Variants in TOX observed in about 807,000 individuals in gnomAD.
TOX encodes thymocyte selection associated high mobility group box, also known as thymocyte selection-associated high mobility group box protein TOX.
A neutral mutation model predicts 53.7 loss-of-function variants in TOX; 11 were observed. The ratio of observed to expected loss-of-function variants is 0.20; its 90% CI spans 0.13 to 0.34. The LOEUF is 0.34. TOX is among the 10% of genes least tolerant of loss of function. TOX has a pLI of 1.00. For synonymous variants in TOX, 225 were observed against 245.3 expected (o/e 0.92, Z 0.77); for missense variants, 570 against 664.6 (o/e 0.86, Z 1.56).
intron 1 of TOX, among the ~76,000 whole-genome samples, chr8:59,013,740 C>T (rs1585964309): frequency 6.6e-6 from 1 of 152,332 alleles, no homozygotes; most frequent in South Asian, 2.1e-4. Flanking sequence ...CATCATTAAT[C>T]ATAGGCTAAG....
intron 2 of TOX, among the ~76,000 whole-genome samples, chr8:58,946,506 C>A (rs777087655): frequency 6.6e-6 from 1 of 152,122 alleles, no homozygotes; most frequent in Non-Finnish European, 1.5e-5. Context: ...ATCATCTTAA[C>A]GCTCAGCAAG....
intron 1 of TOX, among the ~76,000 whole-genome samples, chr8:59,048,818 T>C (rs1585986745): frequency 6.6e-6 from 1 of 152,182 alleles, no homozygotes; most frequent in Non-Finnish European, 1.5e-5. Flanking sequence ...CCAGAAATAT[T>C]ATATTTTAAG....
chr8:58,951,397 C>G (rs189138566), intron 2 of TOX, among the ~76,000 whole-genome samples: 4 of 152,154 alleles, frequency 2.6e-5, no homozygotes, highest in Non-Finnish European at 5.9e-5. Context: ...ACCTAAACTT[C>G]CAGGCAAGAA....
At chr8:59,076,664 A>AT (rs1284460815) in intron 1 of TOX, among the ~76,000 whole-genome samples, 2 of 152,198 alleles carry the variant, frequency 1.3e-5, no homozygotes, top group South Asian at 2.1e-4. Flanking sequence ...TTTTATGCTA[A>AT]TTTTTTTGCA....
intron 2 of TOX, among the ~76,000 whole-genome samples, chr8:58,955,295 G>T (rs1403364790): frequency 6.6e-6 from 1 of 151,980 alleles, no homozygotes; most frequent in African/African-American, 2.4e-5. Context: ...AATATTTAGG[G>T]TTTACTATAA....
chr8:59,082,508 C>T (rs1236033842), intron 1 of TOX, among the ~76,000 whole-genome samples: 3 of 152,202 alleles, frequency 2.0e-5, no homozygotes, highest in Admixed American at 6.5e-5. Context: ...TTAATCAATG[C>T]CCATATGTCC....
At chr8:58,922,705 G>A (rs1812093499) in intron 3 of TOX, among the ~76,000 whole-genome samples, 1 of 152,188 alleles carries the variant, frequency 6.6e-6, no homozygotes, top group South Asian at 2.1e-4. Context: ...GTGGGAGGTG[G>A]CCAATCAACT....
intron 1 of TOX, among the ~76,000 whole-genome samples, chr8:59,048,006 T>A (rs1803720552): frequency 6.6e-6 from 1 of 152,184 alleles, no homozygotes; most frequent in African/African-American, 2.4e-5. Context: ...AGTCCTTGAT[T>A]ATTATTATAG....
At chr8:59,101,692 A>G (rs1051144521) in intron 1 of TOX, among the ~76,000 whole-genome samples, 1 of 152,244 alleles carries the variant, frequency 6.6e-6, no homozygotes, top group African/African-American at 2.4e-5. Flanking sequence ...CTTGTCAATA[A>G]GAGCAAATAT....
chr8:58,936,805 T>A (rs189833904), intron 3 of TOX, among the ~76,000 whole-genome samples: 5 of 152,200 alleles, frequency 3.3e-5, no homozygotes, highest in African/African-American at 9.6e-5. Context: ...GGGCTTAATA[T>A]AGACTTAATG....
intron 1 of TOX, among the ~76,000 whole-genome samples, chr8:59,041,861 G>T (rs775794264): frequency 6.6e-6 from 1 of 152,176 alleles, no homozygotes; most frequent in Non-Finnish European, 1.5e-5. Flanking sequence ...GTCTCTCTGA[G>T]ATCTCTTCTA....
intron 1 of TOX, among the ~76,000 whole-genome samples, chr8:59,080,542 G>C (rs1191981157): frequency 6.6e-6 from 1 of 152,170 alleles, no homozygotes; most frequent in East Asian, 1.9e-4. Flanking sequence ...GAAAGTCCTA[G>C]AGCAGAATGA....
chr8:58,848,000 G>A (rs1405273580), intron 4 of TOX, among the ~76,000 whole-genome samples: 1 of 152,054 alleles, frequency 6.6e-6, no homozygotes, highest in Admixed American at 6.6e-5. Flanking sequence ...AAATATATAT[G>A]TGAATAAATC....
intron 1 of TOX, among the ~76,000 whole-genome samples, chr8:59,018,025 C>T (rs1343576272): frequency 6.6e-6 from 1 of 152,006 alleles, no homozygotes; most frequent in African/African-American, 2.4e-5. Context: ...TTTTTTACTC[C>T]CTGTTGCATA....
intron 3 of TOX, among the ~76,000 whole-genome samples, chr8:58,856,169 C>T (rs772197704): frequency 3.9e-5 from 6 of 152,300 alleles, no homozygotes; most frequent in Non-Finnish European, 7.4e-5. Context: ...TATCCAAACC[C>T]TAAATGTACT....
intron 3 of TOX, among the ~76,000 whole-genome samples, chr8:58,860,257 T>A (rs1313145039): frequency 6.6e-6 from 1 of 152,128 alleles, no homozygotes; most frequent in Non-Finnish European, 1.5e-5. Context: ...AAGAGGATAA[T>A]TTTTCACCAA....
At chr8:58,981,186 A>T (rs1234367107) in intron 1 of TOX, among the ~76,000 whole-genome samples, 1 of 152,118 alleles carries the variant, frequency 6.6e-6, no homozygotes, top group Non-Finnish European at 1.5e-5. Context: ...AAATTGCAAA[A>T]TTTCTGGCTC....
chr8:58,981,724 A>G (rs1306290125), intron 1 of TOX, among the ~76,000 whole-genome samples: 2 of 152,102 alleles, frequency 1.3e-5, no homozygotes, highest in African/African-American at 2.4e-5. Flanking sequence ...AGTCCACCCG[A>G]ACAAACTCCC....
intron 1 of TOX, among the ~76,000 whole-genome samples, chr8:59,001,979 T>C (rs946123234): frequency 1.1e-4 from 17 of 148,846 alleles, no homozygotes; most frequent in Non-Finnish European, 1.8e-4. Flanking sequence ...CTTTTTTTTT[T>C]TTTTTTTTTT....
Sources: allele counts gnomAD v4.1 joint callset (sites outside exome capture counted in the v4.1 genomes callset), GRCh38; gene constraint gnomAD v4.1.1; transcripts MANE v1.5; gene names NCBI Gene and HGNC (gene_info 2026-07-23, HGNC 2026-07-21).